Variants in PCDHA1 observed in about 807,000 individuals in gnomAD.
The protein encoded by PCDHA1 is protocadherin alpha-1.
A neutral mutation model predicts 61.3 loss-of-function variants in PCDHA1; 42 were observed. The observed-to-expected ratio is 0.69, with a 90% confidence interval of 0.54 to 0.89. PCDHA1 has a LOEUF of 0.89. Among genes scored for constraint, PCDHA1 ranks in the 40% least tolerant of loss-of-function variants. The probability of loss-of-function intolerance (pLI) is 0.00; values close to 1 mark genes in which losing one functional copy is unlikely to be tolerated. For synonymous variants in PCDHA1, 610 were observed against 553.8 expected (o/e 1.10, Z -1.43); for missense variants, 1,256 against 1,235.3 (o/e 1.02, Z -0.25).
chr5:140,890,173 C>T (rs1188650558), intron 1 of PCDHA1, among the ~76,000 whole-genome samples: 4 of 152,114 alleles, frequency 2.6e-5, no homozygotes, highest in African/African-American at 7.2e-5. Context: ...CAGAAATAGG[C>T]AAATGCTACA....
intron 1 of PCDHA1, among the ~76,000 whole-genome samples, chr5:140,932,733 C>A (rs2088585680): frequency 1.3e-5 from 2 of 151,034 alleles, no homozygotes; most frequent in Admixed American, 6.6e-5. Context: ...TAATATAGAC[C>A]CTCAAATCAG....
At chr5:140,823,676 G>A (rs2150128163) in intron 1 of PCDHA1, 3 of 1,614,042 alleles carry the variant, frequency 1.9e-6, no homozygotes, top group Non-Finnish European at 2.5e-6. Context: ...AGCACAACAC[G>A]CTCTCTGGAT....
intron 1 of PCDHA1, among the ~76,000 whole-genome samples, chr5:140,977,323 G>A (rs542392962): frequency 1.3e-5 from 2 of 152,324 alleles, no homozygotes; most frequent in Non-Finnish European, 1.5e-5. Context: ...GCTCCTGATG[G>A]CGAGGGGAGA....
chr5:140,901,557 A>G (rs782333756), intron 1 of PCDHA1, among the ~76,000 whole-genome samples: 4 of 152,034 alleles, frequency 2.6e-5, no homozygotes, highest in Non-Finnish European at 5.9e-5. Context: ...CCATTCATCT[A>G]TGTGTCTGTT....
Position 140,795,294 on chromosome 5 carries a change from G to C in PCDHA1, c.2394+6610G>C, listed in dbSNP as rs1365580795. On this transcript the variant is annotated intron_variant, in intron 1 of 3. Transcript: ENST00000504120. ...GTAGCATCCACGTGGAGGTGATCGT[G>C]GACAGGCCGCTGCAGGTTTTCCATG... 3.1e-6 allele frequency: 5 copies of C among 1,614,152 alleles called. No homozygotes were observed. The Admixed American group carries it at 6.7e-5, about 22-fold the overall frequency.
chr5:140,979,972 C>T (rs1393315984), intron 2 of PCDHA1, among the ~76,000 whole-genome samples: 1 of 152,176 alleles, frequency 6.6e-6, no homozygotes, highest in East Asian at 1.9e-4. Context: ...CATTAAAATG[C>T]ATTAGATTGA....
chr5:140,950,809 A>G (rs1554219635), intron 1 of PCDHA1, among the ~76,000 whole-genome samples: 1 of 152,102 alleles, frequency 6.6e-6, no homozygotes, highest in African/African-American at 2.4e-5. Context: ...GTTTTACCAT[A>G]GTAGGGTTAA....
At chr5:140,795,817 G>GTGTC (rs782580934) in intron 1 of PCDHA1, 11 of 1,613,726 alleles carry the variant, frequency 6.8e-6, no homozygotes, top group Non-Finnish European at 9.3e-6. Flanking sequence ...CGGTAGTGAT[G>GTGTC]TGTCCTCCAC....
At chr5:140,839,449 G>A (rs1251929255) in intron 1 of PCDHA1, among the ~76,000 whole-genome samples, 1 of 151,836 alleles carries the variant, frequency 6.6e-6, no homozygotes, top group African/African-American at 2.4e-5. Context: ...CAGTGCAGTG[G>A]CACAATCTGG....
intron 1 of PCDHA1, chr5:140,821,850 A>T: frequency 6.2e-7 from 1 of 1,614,180 alleles, no homozygotes; most frequent in Non-Finnish European, 8.5e-7. Flanking sequence ...ACTGGAAGGC[A>T]GGGAGCGGCC....
At chr5:140,807,138 T>G in intron 1 of PCDHA1, 1 of 1,568,760 alleles carries the variant, frequency 6.4e-7, no homozygotes, top group South Asian at 1.2e-5. Flanking sequence ...AAGATTTCCC[T>G]TGACTTTGAG....
At position 140,834,385 on chromosome 5, in the gene PCDHA1, T is replaced by G. The variant is rs200135571; in HGVS notation, c.2394+45701T>G. The G allele has an allele frequency of 5.7e-5, 89 of 1,568,318 alleles. No homozygotes were observed. In the African/African-American group the frequency reaches 1.1e-3, roughly 20 times the overall value. On this transcript the variant is annotated intron_variant, in intron 1 of 3. Transcript: ENST00000504120. ...AGAAAAACAAGCCAATAATTTGAAA[T>G]GGTGTGCCCGAATGGATACGACCCA...
chr5:141,004,608 T>A (rs2153981502), intron 3 of PCDHA1, among the ~76,000 whole-genome samples: 1 of 152,348 alleles, frequency 6.6e-6, no homozygotes, highest in African/African-American at 2.4e-5. Flanking sequence ...TTAGGCCTCA[T>A]GCAGAGTCCT....
At chr5:141,009,476 C>T in intron 3 of PCDHA1, 151 bp from the exon 4 acceptor site, 4 of 1,420,154 alleles carry the variant, frequency 2.8e-6, no homozygotes, top group Non-Finnish European at 2.8e-6. Flanking sequence ...AATAAGTAAA[C>T]ACTTGCCTTG....
intron 1 of PCDHA1, chr5:140,843,437 G>A: frequency 6.3e-7 from 1 of 1,596,076 alleles, no homozygotes; most frequent in Non-Finnish European, 8.6e-7. Context: ...CGCCATCTGC[G>A]CGGTATCCAG....
At chr5:140,828,190 C>T in intron 1 of PCDHA1, 1 of 1,614,112 alleles carries the variant, frequency 6.2e-7, no homozygotes, top group Admixed American at 1.7e-5. Flanking sequence ...AGCTCCACTA[C>T]TCCGTACCCG....
At chr5:140,901,282 T>A (rs555723354) in intron 1 of PCDHA1, among the ~76,000 whole-genome samples, 44 of 152,318 alleles carry the variant, frequency 2.9e-4, no homozygotes, top group African/African-American at 1.0e-3. Context: ...CAAGAAATTT[T>A]TGCCCAGACT....
chr5:140,865,532 C>T (rs1340228056), intron 1 of PCDHA1: 1 of 152,096 alleles, frequency 6.6e-6, no homozygotes, highest in Non-Finnish European at 1.5e-5. Context: ...TTCTCTTCAT[C>T]CATAGCTATA....
chr5:140,858,255 C>A, intron 1 of PCDHA1: 1 of 1,596,962 alleles, frequency 6.3e-7, no homozygotes, highest in Non-Finnish European at 8.6e-7. Context: ...GTGAAGCCCA[C>A]GCTGGTGTGC....
Sources: gnomAD v4.1 joint callset for allele counts (sites outside exome capture counted in the v4.1 genomes callset) on GRCh38, gnomAD v4.1.1 for gene constraint, MANE v1.5 for transcripts, NCBI Gene and HGNC (gene_info 2026-07-23, HGNC 2026-07-21) for gene names.